Variants in ATP1A4 observed in about 807,000 individuals in gnomAD.
ATP1A4 encodes ATPase Na+/K+ transporting subunit alpha 4.
ATP1A4 carries 90 observed loss-of-function variants against 114.3 expected under a neutral mutation model. That is an observed-to-expected ratio of 0.79 (90% CI 0.66 to 0.94). The LOEUF (loss-of-function observed/expected upper bound fraction) is 0.94. Ranked by LOEUF, ATP1A4 falls within the 40% of genes least tolerant of loss-of-function variation. The pLI, the probability that ATP1A4 is intolerant of heterozygous loss-of-function variation, is 0.00. For missense variants in ATP1A4, 1,222 were observed against 1,313.6 expected (o/e 0.93, Z 1.08); for synonymous variants, 511 against 494.1 (o/e 1.03, Z -0.45).
intron 15 of ATP1A4, among the ~76,000 whole-genome samples, chr1:160,175,285 T>C (rs1311004484): frequency 6.6e-6 from 1 of 152,200 alleles, no homozygotes; most frequent in East Asian, 1.9e-4. Flanking sequence ...CATTCCAGGT[T>C]CCCTGCTTTC....
At chr1:160,159,890 C>T (rs1420476968) in intron 6 of ATP1A4, among the ~76,000 whole-genome samples, 1 of 152,198 alleles carries the variant, frequency 6.6e-6, no homozygotes, top group Non-Finnish European at 1.5e-5. Flanking sequence ...TTGTTCAGCC[C>T]TGCTAAGTCA....
At chr1:160,157,310 G>T (rs1251250032) in intron 4 of ATP1A4, among the ~76,000 whole-genome samples, 1 of 152,196 alleles carries the variant, frequency 6.6e-6, no homozygotes, top group Admixed American at 6.5e-5. Flanking sequence ...GTACCTGATA[G>T]GTAGGTTTTC....
At chr1:160,172,923 G>A (rs1653317611) in intron 12 of ATP1A4, among the ~76,000 whole-genome samples, 1 of 152,210 alleles carries the variant, frequency 6.6e-6, no homozygotes, top group Non-Finnish European at 1.5e-5. Flanking sequence ...TGCTAGGGCA[G>A]GAAACTTTAC....
intron 1 of ATP1A4, 152 bp from the exon 2 acceptor site, chr1:160,153,013 A>G (rs990073508): frequency 3.2e-6 from 2 of 626,040 alleles, no homozygotes; most frequent in Middle Eastern, 3.1e-4. Context: ...CCTGGGCAAC[A>G]GAGTGACTCC....
rs1439920335 is a variant in ATP1A4 at position 160,155,989 on chromosome 1, A to G, written c.412-56A>G. ...GTGCCCCTTGCAGACTGATTTTCTG[A>G]GGATGAAGAAGACGACAAGGTCCCA... On this transcript the variant is annotated intron_variant, in intron 3 of 21. Coordinates refer to ENST00000368081, the MANE Select transcript of ATP1A4 (RefSeq NM_144699.4). 17 of 1,064,808 alleles carry G rather than the reference A, an allele frequency of 1.6e-5. No individual in the cohort carries two copies. In the East Asian group the frequency reaches 4.0e-4, roughly 25 times the overall value. 66.0% of individuals were successfully genotyped at this position (1,064,808 alleles called of 1,614,324 possible).
intron 18 of ATP1A4, 113 bp from the exon 19 acceptor site, chr1:160,181,571 A>G (rs79762368): frequency 5.0e-6 from 6 of 1,189,950 alleles, no homozygotes; most frequent in Non-Finnish European, 6.9e-6. Flanking sequence ...AAAAAAAAAA[A>G]AGAATGAGGA....
chr1:160,163,675 T>G (rs1652935564), intron 6 of ATP1A4, among the ~76,000 whole-genome samples: 1 of 152,080 alleles, frequency 6.6e-6, no homozygotes, highest in African/African-American at 2.4e-5. Context: ...CCAAACCCAG[T>G]CCTTTGAGGT....
In ATP1A4 at chr1:160,172,092, G is replaced by A. The variant is rs559114606; in HGVS notation, c.1854+335G>A. 9.9e-5 allele frequency among the ~76,000 whole-genome samples: 15 copies of A among 152,218 alleles called. No individual in the cohort carries two copies. In the South Asian group the frequency reaches 1.2e-3, roughly 13 times the overall value. On this transcript the variant is annotated intron_variant, in intron 12 of 21. Transcript: ENST00000368081. ...TGAGCAGAGAAGTTTGAGAACCAGC[G>A]TCCAGCCCAGTGCTTCTCAGACCAA...
chr1:160,186,233 ATC>A (rs1557810853), intron 20 of ATP1A4, 41 bp from the exon 21 acceptor site: 3 of 1,365,380 alleles, frequency 2.2e-6, no homozygotes, highest in East Asian at 2.3e-5. Flanking sequence ...GTCCTCTGGC[ATC>A]TCTCTCTCCT....
intron 17 of ATP1A4, 32 bp from the exon 18 acceptor site, chr1:160,177,487 G>T (rs778659161): frequency 1.9e-5 from 31 of 1,610,356 alleles, no homozygotes; most frequent in Non-Finnish European, 2.5e-5. Flanking sequence ...TCTGAACCAG[G>T]CTCCCCTGTC....
At chr1:160,155,937 C>T (rs556100924) in intron 3 of ATP1A4, 108 bp from the exon 4 acceptor site, 36 of 693,994 alleles carry the variant, frequency 5.2e-5, no homozygotes, top group African/African-American at 1.4e-4. Context: ...CTCAGTCTTA[C>T]GGTCTCTTAC....
intron 7 of ATP1A4, among the ~76,000 whole-genome samples, chr1:160,166,254 G>C (rs1199421314): frequency 1.3e-5 from 2 of 152,312 alleles, no homozygotes; most frequent in East Asian, 3.9e-4. Context: ...GGGTAACACA[G>C]AGTGAGACTC....
chr1:160,184,273 G>A (rs1212969770), intron 20 of ATP1A4, among the ~76,000 whole-genome samples: 2 of 152,062 alleles, frequency 1.3e-5, no homozygotes, highest in Admixed American at 6.5e-5. Context: ...ATATTGAGGC[G>A]GGGGTGTAGT....
chr1:160,152,490 G>A (rs551248377), intron 1 of ATP1A4, among the ~76,000 whole-genome samples: 1 of 152,306 alleles, frequency 6.6e-6, no homozygotes, highest in South Asian at 2.1e-4. Flanking sequence ...AGTCTGGGCT[G>A]TATGGCCTGC....
intron 1 of ATP1A4, 142 bp downstream of exon 1, chr1:160,152,329 T>TAAAAA (rs35726220): frequency 1.6e-6 from 1 of 641,166 alleles, no homozygotes; most frequent in African/African-American, 2.0e-5. Flanking sequence ...AGGAGAGGGT[T>TAAAAA]AAAAAAAAAA....
rs140019547 is a variant in ATP1A4 at position 160,155,152 on chromosome 1, C to T, written c.315C>T (p.Phe105=). The T allele has an allele frequency of 1.0e-3, 1,599 of 1,605,162 alleles. 11 individuals are homozygous for T. The African/African-American group carries it at 0.019, about 19-fold the overall frequency. The change falls in exon 3 of 22, where the codon TTC becomes TTT. Residue 105 remains phenylalanine, a synonymous_variant. Coordinates refer to ENST00000368081, the MANE Select transcript of ATP1A4 (RefSeq NM_144699.4). ...PEWVKFCKQL[F]GGFSLLLWTG... Reference sequence around the variant, plus strand: ...GGGTCAAATTCTGTAAGCAACTGTTCGGAGGCTTCTCCCTCCTACTATGGA... The same window carrying T: ...GGGTCAAATTCTGTAAGCAACTGTTTGGAGGCTTCTCCCTCCTACTATGGA...
At position 160,164,328 on chromosome 1, in the gene ATP1A4, C is replaced by T. The variant is rs140456356; in HGVS notation, c.951C>T (p.Leu317=). The T allele has an allele frequency of 3.8e-5, 61 of 1,614,144 alleles. No individual in the cohort carries two copies. In the African/African-American group the frequency reaches 7.2e-4, roughly 19 times the overall value. The change falls in exon 7 of 22, where the codon CTC becomes CTT. Residue 317 remains leucine, a synonymous_variant. Transcript: ENST00000368081. ...TCCTTGGTGTCACTTTTTTTGCGCT[C>T]TCACTTCTCTTGGGCTATGGTTGGC... ...AVFLGVTFFA[L]SLLLGYGWLE...
chr1:160,175,824 C>T (rs1229120843), intron 15 of ATP1A4, among the ~76,000 whole-genome samples: 1 of 152,146 alleles, frequency 6.6e-6, no homozygotes, highest in Non-Finnish European at 1.5e-5. Context: ...TCAAACATCG[C>T]AGGATTAACC....
chr1:160,174,716 C>T lies in ATP1A4; in HGVS notation c.2280C>T (p.Asn760=). ...CCGACATGATCCTGCTGGATGACAA[C>T]TTTGCCTCCATCGTCACGGGGGTGG... The part of the protein sequence containing the change: ...QAADMILLDD[N]FASIVTGVEE... The change falls in exon 15 of 22, where the codon AAC becomes AAT. Residue 760 remains asparagine (N), a synonymous_variant. Coordinates refer to ENST00000368081, the MANE Select transcript of ATP1A4 (RefSeq NM_144699.4). 6.2e-7 allele frequency: 1 copy of T among 1,614,188 alleles called. No individual in the cohort carries two copies. The highest frequency in any genetic ancestry group is 8.5e-7 in the Non-Finnish European group (1 of 1,180,040).
Sources: gnomAD v4.1 joint callset for allele counts (sites outside exome capture counted in the v4.1 genomes callset) on GRCh38, gnomAD v4.1.1 for gene constraint, MANE v1.5 for transcripts, NCBI Gene and HGNC (gene_info 2026-07-23, HGNC 2026-07-21) for gene names.